The following ZHX1 variants were observed in gnomAD, a reference collection of about 807,000 sequenced individuals.
ZHX1 encodes the protein zinc fingers and homeoboxes 1.
ZHX1 carries 20 observed loss-of-function variants against 61.8 expected under a neutral mutation model. The observed-to-expected ratio is 0.32, with a 90% confidence interval of 0.23 to 0.47. ZHX1 has a LOEUF of 0.47. ZHX1 is among the 20% of genes least tolerant of loss of function. ZHX1 has a pLI of 1.00. For synonymous variants in ZHX1, 318 were observed against 352.6 expected, an observed-to-expected ratio of 0.90 and a Z score of 1.10; for missense variants, 800 against 1,034.8, an observed-to-expected ratio of 0.77 and a Z score of 3.11.
intron 2 of ZHX1, 145 bp downstream of exon 2, chr8:123,267,127 AG>A (rs1826484228): frequency 1.8e-6 from 1 of 565,206 alleles, no homozygotes; most frequent in Admixed American, 3.3e-5. Flanking sequence ...AAAATTTGAA[AG>A]TATATTAAAA....
chr8:123,256,183 T>C lies in ZHX1; in HGVS notation c.-225-12A>G. Reference sequence around the variant, plus strand: ...ACAACTCCAATCACCTACATTAAAATAAATTTTAAAATGTTTTAAAATGAG... The same window carrying C: ...ACAACTCCAATCACCTACATTAAAACAAATTTTAAAATGTTTTAAAATGAG... On this transcript the variant is annotated splice_polypyrimidine_tract_variant and intron_variant, in intron 2 of 3. Transcript: ENST00000395571. 1 of 382,364 alleles carries C rather than the reference T, an allele frequency of 2.6e-6. No individual in the cohort carries two copies. Among genetic ancestry groups the C allele is most frequent in the East Asian group, 4.1e-5 (1 of 24,364 alleles). The allele number at this position is 382,364 out of a possible 1,614,324, so 23.7% of individuals were successfully genotyped here. A position where few individuals can be genotyped will look rare whatever the true frequency, so the allele number is the denominator to read the frequency against.
rs1235450384 is a variant in ZHX1, at chr8:123,253,875, T to C, written c.2072A>G (p.Asp691Gly). The part of the protein sequence containing the change: ...RTQWPSPEEY[D>G]KLAKESGLAR... ...AAGCCCGCTTTCTTTGGCCAACTTG[T>C]CATACTCTTCTGGTGATGGCCACTG... The change falls in exon 3 of 4, where the codon GAC (aspartate) becomes GGC (glycine). Residue 691 changes from aspartate to glycine, a missense_variant. Transcript: ENST00000395571. The C allele has an allele frequency of 1.2e-6, 2 of 1,614,236 alleles. No homozygotes were observed. The highest frequency in any genetic ancestry group is 2.2e-5 in the East Asian group (1 of 44,886).
chr8:123,260,590 T>C (rs1826218923), intron 2 of ZHX1, among the ~76,000 whole-genome samples: 1 of 147,054 alleles, frequency 6.8e-6, no homozygotes, highest in African/African-American at 2.5e-5. Context: ...AGAGCAACAC[T>C]CCATCTCAAA....
At position 123,256,042 on chromosome 8, in the gene ZHX1, T is replaced by C. The variant is rs547718887; in HGVS notation, c.-96A>G. The C allele has an allele frequency of 3.0e-4, 359 of 1,197,344 alleles. 5 individuals are homozygous for C. In the South Asian group the frequency reaches 4.3e-3, roughly 14 times the overall value. 74.2% of individuals were successfully genotyped at this position (1,197,344 alleles called of 1,614,324 possible). On this transcript the variant is annotated 5_prime_UTR_variant, in exon 3 of 4. Coordinates refer to ENST00000395571, the MANE Select transcript of ZHX1 (RefSeq NM_007222.5). Reference sequence around the variant, plus strand: ...ATTTGAAAACAATGGCTTTTGGTTCTTCAAGTCCATTTTTGTGCTCAACAA... The same window carrying C: ...ATTTGAAAACAATGGCTTTTGGTTCCTCAAGTCCATTTTTGTGCTCAACAA...
intron 3 of ZHX1, among the ~76,000 whole-genome samples, chr8:123,250,545 T>C (rs554612905): frequency 2.6e-5 from 4 of 152,210 alleles, no homozygotes; most frequent in Non-Finnish European, 4.4e-5. Context: ...TATGTAATAA[T>C]TTATTTCAAA....
rs1292068773 is a variant in ZHX1 at position 123,255,254 on chromosome 8, T to G, written c.693A>C (p.Glu231Asp). 8.1e-6 allele frequency: 13 copies of G among 1,614,104 alleles called. No individual in the cohort carries two copies. Among genetic ancestry groups the G allele is most frequent in the Non-Finnish European group, 1.1e-5 (13 of 1,180,048 alleles). Residue 231 changes from glutamate (E) to aspartate (D), a missense_variant, in exon 3 of 4, where the codon GAA (glutamate) becomes GAC (aspartate). Physicochemically the swap from Glu to Asp is conservative, Grantham distance 45 (BLOSUM62 2). Coordinates refer to ENST00000395571, the MANE Select transcript of ZHX1 (RefSeq NM_007222.5). ...IVENPSSSAS[E>D]SNTSTSIVNR... ...TTACAATGGAAGTACTTGTATTAGA[T>G]TCAGAAGCTGAAGAACTTGGATTTT...
chr8:123,262,235 G>A (rs181617689), intron 2 of ZHX1, among the ~76,000 whole-genome samples: 1 of 152,154 alleles, frequency 6.6e-6, no homozygotes, highest in Admixed American at 6.6e-5. Context: ...TTCAGTACGG[G>A]AAGTGTTTTT....
chr8:123,264,227 A>G (rs1414729709), intron 2 of ZHX1, among the ~76,000 whole-genome samples: 1 of 152,180 alleles, frequency 6.6e-6, no homozygotes, highest in African/African-American at 2.4e-5. Flanking sequence ...AAGACAGCAA[A>G]TGCAAATTTG....
Position 123,255,379 on chromosome 8 carries a change from T to C in ZHX1, c.568A>G (p.Lys190Glu). The C allele has an allele frequency of 1.2e-6, 2 of 1,613,808 alleles. No homozygotes were observed. The highest frequency in any genetic ancestry group is 1.7e-6 in the Non-Finnish European group (2 of 1,180,012). The change falls in exon 3 of 4, where the codon AAA becomes GAA. Residue 190 changes from lysine to glutamate, a missense_variant. By Grantham distance (56) the Lys-to-Glu change is moderately conservative (BLOSUM62 1). Coordinates refer to ENST00000395571, the MANE Select transcript of ZHX1 (RefSeq NM_007222.5). Reference protein sequence around the residue: ...KTPIMKMMKNKVENKRIAVHH... With the variant: ...KTPIMKMMKNEVENKRIAVHH... ...ACTGCAATCCGTTTATTTTCCACTT[T>C]ATTTTTCATCATTTTCATGATAGGA...
Position 123,253,704 on chromosome 8 carries a change from G to C in ZHX1, c.2243C>G (p.Pro748Arg). 1.9e-6 allele frequency: 3 copies of C among 1,614,076 alleles called. No homozygotes were observed. Among genetic ancestry groups the C allele is most frequent in the Admixed American group, 1.7e-5 (1 of 60,000 alleles). ...CGGTCTTCCTCTTCCCCGTCCTTTG[G>C]GTCTCCCTCTCCCTCTTTTCCTAAG... is the stretch of plus-strand genomic sequence containing the variant. The part of the protein sequence containing the change: ...SSLRKRGRGR[P>R]KGRGRGRPRG... Residue 748 changes from proline to arginine, a missense_variant, in exon 3 of 4, where the codon CCC (proline) becomes CGC (arginine). Coordinates refer to ENST00000395571, the MANE Select transcript of ZHX1 (RefSeq NM_007222.5).
rs780822047 is a variant in ZHX1, at chr8:123,255,527, G to C, written c.420C>G (p.Asn140Lys). Residue 140 changes from asparagine (N) to lysine (K), a missense_variant, in exon 3 of 4, where the codon AAC (asparagine) becomes AAG (lysine). Asn to Lys is a moderately conservative substitution (Grantham distance 94). Coordinates refer to ENST00000395571, the MANE Select transcript of ZHX1 (RefSeq NM_007222.5). ...TTATTGTTTGTTCAAAGATTGTCTG[G>C]TTATTACGTTTCACCATAGTCAACT... ...NFKLTMVKRNNQTIFEQTIND... is the reference protein window; with the variant it reads ...NFKLTMVKRNKQTIFEQTIND... 11 of 1,613,326 alleles carry C rather than the reference G, an allele frequency of 6.8e-6. No homozygotes were observed. The highest frequency in any genetic ancestry group is 5.9e-6 in the Non-Finnish European group (7 of 1,179,960).
intron 1 of ZHX1, among the ~76,000 whole-genome samples, chr8:123,269,118 G>A (rs781279828): frequency 1.3e-5 from 2 of 152,148 alleles, no homozygotes; most frequent in African/African-American, 4.8e-5. Flanking sequence ...TCCGCCACTC[G>A]TTAGCCATCA....
chr8:123,274,534 A>G (rs1044593513), upstream of ZHX1: 1 of 151,780 alleles, frequency 6.6e-6, no homozygotes, highest in Non-Finnish European at 1.5e-5. Flanking sequence ...CCACGCCCAG[A>G]CCCTGCTACT....
In ZHX1 at chr8:123,250,013, C is replaced by G. The variant is rs1035518662; in HGVS notation, c.*311G>C. The G allele has an allele frequency of 3.3e-6, 1 of 306,330 alleles. No homozygotes were observed. The allele number at this position is 306,330 out of a possible 1,614,324, so 19.0% of individuals were successfully genotyped here. A position where few individuals can be genotyped will look rare whatever the true frequency, so the allele number is the denominator to read the frequency against. On this transcript the variant is annotated 3_prime_UTR_variant, in exon 4 of 4. Coordinates refer to ENST00000395571, the MANE Select transcript of ZHX1 (RefSeq NM_007222.5). ...GGACAAGCTCTAGTGGTCATTAAAC[C>G]CCCTCAGAAAGTCTAAGATTCAGAA...
intron 1 of ZHX1, among the ~76,000 whole-genome samples, chr8:123,272,744 C>T (rs1014142015): frequency 1.1e-4 from 16 of 152,166 alleles, no homozygotes; most frequent in Admixed American, 1.0e-3. Context: ...TATGTATACA[C>T]ACAACACACA....
chr8:123,253,799 C>T lies in ZHX1; in HGVS notation c.2148G>A (p.Lys716=). The T allele has an allele frequency of 6.2e-7, 1 of 1,614,216 alleles. No homozygotes were observed. The highest frequency in any genetic ancestry group is 8.5e-7 in the Non-Finnish European group (1 of 1,180,018). ...AGTAGTACCATTTCAAGTTTCCATT[C>T]TTCCAAGCATAACGGGTGTCCCCAA... is the stretch of plus-strand genomic sequence containing the variant. ...SWFGDTRYAW[K]NGNLKWYYYY... Residue 716 remains lysine (K), a synonymous_variant, in exon 3 of 4, where the codon AAG becomes AAA. Coordinates refer to ENST00000395571, the MANE Select transcript of ZHX1 (RefSeq NM_007222.5).
rs751138740 is a variant in ZHX1, at chr8:123,253,308, T to C, written c.*3+14A>G. On this transcript the variant is annotated intron_variant, in intron 3 of 3. Coordinates refer to ENST00000395571, the MANE Select transcript of ZHX1 (RefSeq NM_007222.5). ...GATGAACATATACGCAGATTAAAAATTTTCTTAACTTACATTTCAGTCATC... is the reference window on the plus strand; with the variant it reads ...GATGAACATATACGCAGATTAAAAACTTTCTTAACTTACATTTCAGTCATC... 1 of 1,574,224 alleles carries C rather than the reference T, an allele frequency of 6.4e-7. No individual in the cohort carries two copies. The highest frequency in any genetic ancestry group is 8.6e-7 in the Non-Finnish European group (1 of 1,166,230).
chr8:123,271,473 A>C (rs992304350), intron 1 of ZHX1, among the ~76,000 whole-genome samples: 1 of 152,190 alleles, frequency 6.6e-6, no homozygotes, highest in Admixed American at 6.5e-5. Flanking sequence ...TTATTTAAGT[A>C]AAGTCTTTGG....
rs766259407 is a variant in ZHX1 at position 123,253,750 on chromosome 8, T to C, written c.2197A>G (p.Ser733Gly). 8.1e-6 allele frequency: 13 copies of C among 1,614,226 alleles called. No homozygotes were observed. The South Asian group carries it at 1.1e-4, about 14-fold the overall frequency. Residue 733 changes from serine to glycine, a missense_variant, in exon 3 of 4, where the codon AGT (serine) becomes GGT (glycine). Transcript: ENST00000395571. ...YYYYQSANSSSMNGLSSLRKR... is the reference protein window; with the variant it reads ...YYYYQSANSSGMNGLSSLRKR... ...CTAAGGGAAGACAGACCATTCATACTACTTGAATTGGCGCTCTGATAGTAG... is the reference window on the plus strand; with the variant it reads ...CTAAGGGAAGACAGACCATTCATACCACTTGAATTGGCGCTCTGATAGTAG...
Sources: gnomAD v4.1 joint callset for allele counts (sites outside exome capture counted in the v4.1 genomes callset) on GRCh38, gnomAD v4.1.1 for gene constraint, MANE v1.5 for transcripts, NCBI Gene and HGNC (gene_info 2026-07-23, HGNC 2026-07-21) for gene names.